The following PALLD variants were observed in gnomAD, a reference collection of about 807,000 sequenced individuals.
The protein encoded by PALLD is palladin.
A neutral mutation model predicts 123.5 loss-of-function variants in PALLD; 61 were observed. That is an observed-to-expected ratio of 0.49 (90% CI 0.40 to 0.61). The LOEUF (loss-of-function observed/expected upper bound fraction) is 0.61. Among genes scored for constraint, PALLD ranks in the 20% least tolerant of loss-of-function variants. The probability of loss-of-function intolerance (pLI) is 0.00; values close to 1 mark genes in which losing one functional copy is unlikely to be tolerated. For missense variants in PALLD, 1,273 were observed against 1,377.0 expected, an observed-to-expected ratio of 0.92 and a Z score of 1.20; for synonymous variants, 465 against 496.4, an observed-to-expected ratio of 0.94 and a Z score of 0.84.
Position 168,580,801 on chromosome 4 carries a change from C to T in PALLD, c.908+68389C>T, listed in dbSNP as rs187554253. Among the ~76,000 whole-genome samples the T allele has an allele frequency of 2.1e-3, 312 of 151,782 alleles. 4 individuals carry two copies. Among genetic ancestry groups the T allele is most frequent in the Admixed American group, 0.019 (295 of 15,208 alleles). On this transcript the variant is annotated intron_variant, in intron 2 of 21. Transcript: ENST00000505667. ...TGGAATACTATGCAGCCAAAAAAAA[C>T]GAGATCAAGTCCTTTGCAGGAACAT... is the stretch of plus-strand genomic sequence containing the variant.
chr4:168,507,733 T>A (rs1008645928), intron 1 of PALLD: 5 of 181,732 alleles, frequency 2.8e-5, no homozygotes, highest in Admixed American at 2.5e-4. Flanking sequence ...GACTTAACAC[T>A]CTTCCTTGCC....
At chr4:168,586,890 A>C (rs936853982) in intron 2 of PALLD, among the ~76,000 whole-genome samples, 6 of 152,172 alleles carry the variant, frequency 3.9e-5, no homozygotes, top group Non-Finnish European at 2.9e-5. Context: ...ACGTTCCCTC[A>C]GGGCAAGGAG....
intron 2 of PALLD, among the ~76,000 whole-genome samples, chr4:168,520,347 A>AAGAGAGAGAG (rs1554034659): frequency 0.04 from 3,324 of 83,620 alleles, 188 homozygotes; most frequent in Admixed American, 0.085. Flanking sequence ...AAAAAAAAAA[A>AAGAGAGAGAG]AGAGAGAGAG....
At chr4:168,538,805 G>C (rs374877597) in intron 2 of PALLD, among the ~76,000 whole-genome samples, 2 of 152,174 alleles carry the variant, frequency 1.3e-5, no homozygotes. Context: ...GATCAGAAAG[G>C]CTTTCCCATT....
intron 2 of PALLD, among the ~76,000 whole-genome samples, chr4:168,561,467 G>T (rs144159896): frequency 1.1e-3 from 162 of 152,144 alleles, no homozygotes; most frequent in African/African-American, 3.7e-3. Flanking sequence ...GGAAATAGGG[G>T]TCTTGCTATA....
rs1392157359 is a variant in PALLD, at chr4:168,717,514, C to A, written c.1964+5591C>A. Among the ~76,000 whole-genome samples, 6 of 152,078 alleles carry A rather than the reference C, an allele frequency of 3.9e-5. No individual in the cohort carries two copies. The South Asian group carries it at 1.0e-3, about 26-fold the overall frequency. ...TACAGGCACGTGCCACCACCCCTGG[C>A]TAATTTTTGTACTTTTAGTAGAGAC... On this transcript the variant is annotated intron_variant, in intron 10 of 21. Coordinates refer to ENST00000505667, the MANE Select transcript of PALLD (RefSeq NM_001166108.2).
intron 10 of PALLD, among the ~76,000 whole-genome samples, chr4:168,771,139 T>C (rs1054173484): frequency 2.6e-5 from 4 of 152,092 alleles, no homozygotes; most frequent in Admixed American, 1.3e-4. Flanking sequence ...AAGGTCTCAA[T>C]GTTCTTATCT....
intron 2 of PALLD, among the ~76,000 whole-genome samples, chr4:168,539,031 G>C (rs1424668570): frequency 6.6e-6 from 1 of 152,194 alleles, no homozygotes; most frequent in African/African-American, 2.4e-5. Context: ...TAAATGTATA[G>C]TGTGTCATAA....
Position 168,632,747 on chromosome 4 carries a change from C to T in PALLD, c.909-35443C>T, listed in dbSNP as rs571556527. ...TAGTTTTTATGGAAAGCATTGCTGA[C>T]GCTTATAAATATTCAATTTTGGTGA... is the stretch of plus-strand genomic sequence containing the variant. On this transcript the variant is annotated intron_variant, in intron 2 of 21. Coordinates refer to ENST00000505667, the MANE Select transcript of PALLD (RefSeq NM_001166108.2). Among the ~76,000 whole-genome samples, 70 of 152,280 alleles carry T rather than the reference C, an allele frequency of 4.6e-4. 1 individual carries two copies. The highest frequency in any genetic ancestry group is 1.5e-3 in the South Asian group (7 of 4,822).
intron 10 of PALLD, among the ~76,000 whole-genome samples, chr4:168,757,717 A>G (rs944778417): frequency 6.6e-6 from 1 of 152,244 alleles, no homozygotes; most frequent in Non-Finnish European, 1.5e-5. Context: ...GAAAATGACA[A>G]CGGCAATAGT....
chr4:168,546,489 C>A lies in PALLD; in HGVS notation c.908+34077C>A, dbSNP rs1447194256. Among the ~76,000 whole-genome samples, 5 of 152,168 alleles carry A rather than the reference C, an allele frequency of 3.3e-5. No homozygotes were observed. The East Asian group carries it at 9.7e-4, about 29-fold the overall frequency. On this transcript the variant is annotated intron_variant, in intron 2 of 21. Transcript: ENST00000505667. The stretch of plus-strand genomic sequence containing the variant: ...GAACAAGAAGCTGAGCTATTGGGGT[C>A]CACAAAGCAAAGAACAGGTATAGCC...
chr4:168,748,753 C>T (rs534500180), intron 10 of PALLD, among the ~76,000 whole-genome samples: 7 of 152,176 alleles, frequency 4.6e-5, no homozygotes, highest in Non-Finnish European at 1.0e-4. Context: ...GCCTTGGTCT[C>T]TTATTGGCCA....
chr4:168,641,150 A>G (rs1776903814), intron 2 of PALLD, among the ~76,000 whole-genome samples: 1 of 151,412 alleles, frequency 6.6e-6, no homozygotes, highest in Admixed American at 6.6e-5. Context: ...GGAGCTTGTA[A>G]TGAGCCAAGA....
chr4:168,727,478 T>C (rs927953590), intron 10 of PALLD, among the ~76,000 whole-genome samples: 14 of 152,188 alleles, frequency 9.2e-5, no homozygotes, highest in African/African-American at 3.4e-4. Flanking sequence ...GTGATAAGCA[T>C]TTTTTCATAT....
intron 10 of PALLD, among the ~76,000 whole-genome samples, chr4:168,777,977 C>T (rs1436359163): frequency 2.0e-5 from 3 of 152,196 alleles, no homozygotes; most frequent in Non-Finnish European, 2.9e-5. Context: ...GAGGGGGCAC[C>T]AGACTCACCT....
intron 10 of PALLD, among the ~76,000 whole-genome samples, chr4:168,851,591 CTCCTGACCTCAAGTGA>C (rs1263595160): frequency 6.6e-6 from 1 of 152,148 alleles, no homozygotes; most frequent in Non-Finnish European, 1.5e-5. Context: ...TGGTCTCGAA[CTCCTGACCTCAAGTGA>C]TCCACCCTCC....
chr4:168,838,635 A>T, intron 10 of PALLD, among the ~76,000 whole-genome samples: 1 of 134,674 alleles, frequency 7.4e-6, no homozygotes, highest in South Asian at 2.4e-4. Context: ...TCTCTAGTTC[A>T]CTTCTTGAGG....
intron 10 of PALLD, chr4:168,756,017 T>A (rs902943571): frequency 6.0e-6 from 1 of 166,790 alleles, no homozygotes; most frequent in Admixed American, 6.4e-5. Flanking sequence ...TTGGCTGCCA[T>A]GCGTGCTATC....
intron 10 of PALLD, among the ~76,000 whole-genome samples, chr4:168,734,680 T>C (rs899982016): frequency 6.6e-6 from 1 of 152,126 alleles, no homozygotes; most frequent in Non-Finnish European, 1.5e-5. Context: ...AATATTCTAT[T>C]AAAAAATGAC....
Sources: allele counts gnomAD v4.1 joint callset (sites outside exome capture counted in the v4.1 genomes callset), GRCh38; gene constraint gnomAD v4.1.1; transcripts MANE v1.5; gene names NCBI Gene and HGNC (gene_info 2026-07-23, HGNC 2026-07-21).